Variants in FAF1 observed in about 807,000 individuals in gnomAD.
FAF1 encodes FAS-associated factor 1.
FAF1 carries 25 observed loss-of-function variants against 92.5 expected under a neutral mutation model. That is an observed-to-expected ratio of 0.27 (90% CI 0.20 to 0.38). The LOEUF (loss-of-function observed/expected upper bound fraction) is 0.38, where lower values mean the gene tolerates loss of function less well. Ranked by LOEUF, FAF1 falls within the 10% of genes least tolerant of loss-of-function variation. The pLI is 1.00. For missense variants in FAF1, 636 were observed against 793.3 expected (o/e 0.80, Z 2.38); for synonymous variants, 234 against 273.2 (o/e 0.86, Z 1.42).
chr1:50,670,127 GA>G (rs1008153553), intron 7 of FAF1, among the ~76,000 whole-genome samples: 4,154 of 74,904 alleles, frequency 0.055, 110 homozygotes, highest in African/African-American at 0.15. Flanking sequence ...GTCTCAAAAA[GA>G]AAAAAAAAAA....
At chr1:50,822,609 A>G (rs1055031400) in intron 2 of FAF1, among the ~76,000 whole-genome samples, 2 of 152,130 alleles carry the variant, frequency 1.3e-5, no homozygotes, top group South Asian at 2.1e-4. Context: ...TGCTCACTGT[A>G]TAACTGCCTT....
chr1:50,846,557 GA>G, intron 2 of FAF1: 3 of 518,182 alleles, frequency 5.8e-6, no homozygotes, highest in Admixed American at 2.0e-5. Flanking sequence ...GGTTCTGATG[GA>G]AAAAGGAGCA....
intron 13 of FAF1, among the ~76,000 whole-genome samples, chr1:50,542,199 C>T (rs1358080493): frequency 6.6e-6 from 1 of 152,144 alleles, no homozygotes; most frequent in African/African-American, 2.4e-5. Flanking sequence ...ATCAATCTTC[C>T]TAAAATATGA....
At chr1:50,591,975 A>T (rs1651539051) in intron 9 of FAF1, among the ~76,000 whole-genome samples, 1 of 152,156 alleles carries the variant, frequency 6.6e-6, no homozygotes, top group Non-Finnish European at 1.5e-5. Flanking sequence ...TTATTTAAAA[A>T]ATATTCATTT....
At position 50,580,130 on chromosome 1, in the gene FAF1, C is replaced by T. The variant is rs1448038673; in HGVS notation, c.1113+2488G>A. Among the ~76,000 whole-genome samples, 3 of 151,978 alleles carry T rather than the reference C, an allele frequency of 2.0e-5. No homozygotes were observed. In the East Asian group the frequency reaches 5.8e-4, roughly 29 times the overall value. Reference sequence around the variant, plus strand: ...TGTGCAGTTTAAGTTTCAATAACTTCAAAAGCTTAACTGCTAAAAACTATT... The same window carrying T: ...TGTGCAGTTTAAGTTTCAATAACTTTAAAAGCTTAACTGCTAAAAACTATT... On this transcript the variant is annotated intron_variant, in intron 12 of 18. Coordinates refer to ENST00000396153, the MANE Select transcript of FAF1 (RefSeq NM_007051.3).
chr1:50,922,108 A>C (rs1042202331), intron 1 of FAF1, among the ~76,000 whole-genome samples: 1 of 150,888 alleles, frequency 6.6e-6, no homozygotes, highest in African/African-American at 2.4e-5. Context: ...CAGAGGTTGC[A>C]GTGAGCTGAG....
At chr1:50,667,686 T>C (rs116644005) in intron 7 of FAF1, among the ~76,000 whole-genome samples, 1,989 of 152,338 alleles carry the variant, frequency 0.013, 43 homozygotes, top group African/African-American at 0.044. Context: ...CTTGCCTAAA[T>C]GTCATTCACT....
intron 13 of FAF1, among the ~76,000 whole-genome samples, chr1:50,557,646 A>G (rs767456995): frequency 6.6e-6 from 1 of 152,160 alleles, no homozygotes; most frequent in Admixed American, 6.5e-5. Context: ...TACTTATATC[A>G]CTGAACTAAC....
intron 7 of FAF1, among the ~76,000 whole-genome samples, chr1:50,693,619 A>G (rs1657037363): frequency 6.6e-6 from 1 of 152,074 alleles, no homozygotes; most frequent in South Asian, 2.1e-4. Context: ...TTAAGATAAA[A>G]AATAAAATTT....
chr1:50,758,028 G>C (rs1042274935), intron 4 of FAF1, among the ~76,000 whole-genome samples: 1 of 151,868 alleles, frequency 6.6e-6, no homozygotes, highest in Non-Finnish European at 1.5e-5. Context: ...ACTGATTCTC[G>C]TGCCTCAGCC....
chr1:50,746,292 ATTTTTTTTTTTTTTT>A (rs1165741663), intron 4 of FAF1, among the ~76,000 whole-genome samples: 1 of 22,680 alleles, frequency 4.4e-5, no homozygotes, highest in South Asian at 3.2e-3. Context: ...ATATATATAT[ATTTTTTTTTTTTTTT>A]TTTTTTTTTT....
intron 1 of FAF1, among the ~76,000 whole-genome samples, chr1:50,932,129 C>T (rs116132367): frequency 1.5e-3 from 229 of 152,122 alleles, no homozygotes; most frequent in Non-Finnish European, 2.7e-3. Context: ...TGGATGGGGA[C>T]ACAGCCAACC....
At chr1:50,787,921 A>T (rs1203383719) in intron 4 of FAF1, 79 bp downstream of exon 4, 2 of 1,267,414 alleles carry the variant, frequency 1.6e-6, no homozygotes, top group Non-Finnish European at 2.3e-6. Context: ...CTGGTAGTCA[A>T]CTAGAAATAA....
chr1:50,777,711 A>T (rs1557522599), intron 4 of FAF1, among the ~76,000 whole-genome samples: 1 of 152,018 alleles, frequency 6.6e-6, no homozygotes, highest in Non-Finnish European at 1.5e-5. Context: ...GGCTAAATTC[A>T]AAATGAACTT....
intron 8 of FAF1, among the ~76,000 whole-genome samples, chr1:50,638,869 A>G (rs1435283006): frequency 2.6e-5 from 4 of 152,228 alleles, no homozygotes; most frequent in Admixed American, 2.0e-4. Context: ...TCATTTACAT[A>G]TATAAAATAC....
intron 13 of FAF1, among the ~76,000 whole-genome samples, chr1:50,565,499 C>G (rs1047155968): frequency 6.6e-6 from 1 of 152,058 alleles, no homozygotes; most frequent in Non-Finnish European, 1.5e-5. Flanking sequence ...TGTACTGGCT[C>G]TTTCTAATAA....
intron 7 of FAF1, among the ~76,000 whole-genome samples, chr1:50,673,751 A>G (rs1656000068): frequency 6.6e-6 from 1 of 152,202 alleles, no homozygotes; most frequent in Non-Finnish European, 1.5e-5. Flanking sequence ...GTATATTCAT[A>G]TATCCATTAC....
At chr1:50,888,584 A>T (rs890060770) in intron 1 of FAF1, among the ~76,000 whole-genome samples, 49 of 152,246 alleles carry the variant, frequency 3.2e-4, no homozygotes, top group African/African-American at 1.1e-3. Flanking sequence ...TTTTAGCATG[A>T]AGGGCTGTAG....
chr1:50,572,561 C>A (rs748342773), intron 12 of FAF1, among the ~76,000 whole-genome samples: 17 of 152,176 alleles, frequency 1.1e-4, no homozygotes, highest in Non-Finnish European at 2.1e-4. Context: ...ACATAGCATA[C>A]AATCATGACT....
Sources: allele counts gnomAD v4.1 joint callset (sites outside exome capture counted in the v4.1 genomes callset), GRCh38; gene constraint gnomAD v4.1.1; transcripts MANE v1.5; gene names NCBI Gene and HGNC (gene_info 2026-07-23, HGNC 2026-07-21).